ELP1: variants seen among roughly 807,000 people sequenced by gnomAD.
ELP1 encodes the protein elongator complex protein 1.
Under a neutral mutation model 183.2 loss-of-function variants are expected in ELP1, and 131 were observed. That is an observed-to-expected ratio of 0.72 (90% confidence interval 0.62 to 0.83). The LOEUF (loss-of-function observed/expected upper bound fraction) is 0.83, where lower values mean the gene tolerates loss of function less well. Among genes scored for constraint, ELP1 ranks in the 40% least tolerant of loss-of-function variants. The pLI is 0.00. For missense variants in ELP1, 1,550 were observed against 1,594.9 expected (o/e 0.97, Z 0.48); for synonymous variants, 555 against 569.0 (o/e 0.98, Z 0.35).
chr9:108,881,405 A>G (rs1290523146), intron 31 of ELP1, among the ~76,000 whole-genome samples: 1 of 152,220 alleles, frequency 6.6e-6, no homozygotes, highest in East Asian at 1.9e-4. Context: ...AATGCCAGAA[A>G]TTTATCAGTG....
rs2118933859 is a variant in ELP1 at position 108,877,993 on chromosome 9, A to C, written c.3855+2T>G. 6.2e-7 allele frequency: 1 copy of C among 1,614,204 alleles called. No homozygotes were observed. The highest frequency in any genetic ancestry group is 8.5e-7 in the Non-Finnish European group (1 of 1,180,018). ...ATGCACACCGTCTCTGAGAAAACTT[A>C]CCGGGGTAGCTGAATTCTGCTGGTA... On this transcript the variant is annotated splice_donor_variant, in intron 35 of 36. Transcript: ENST00000374647. LOFTEE classifies it high-confidence loss of function.
chr9:108,886,983 C>T (rs1056560949), intron 29 of ELP1, among the ~76,000 whole-genome samples: 3 of 150,808 alleles, frequency 2.0e-5, no homozygotes, highest in Admixed American at 6.6e-5. Context: ...CTGAGACAGG[C>T]GAATTGCTTG....
intron 35 of ELP1, among the ~76,000 whole-genome samples, chr9:108,877,175 G>C (rs1827735112): frequency 6.6e-6 from 1 of 152,170 alleles, no homozygotes; most frequent in Non-Finnish European, 1.5e-5. Flanking sequence ...CAGCTCTACA[G>C]GGCCCCACTT....
intron 26 of ELP1, 139 bp downstream of exon 26, chr9:108,893,804 G>A (rs901705414): frequency 2.8e-5 from 25 of 904,230 alleles, no homozygotes; most frequent in Middle Eastern, 2.4e-4. Context: ...ACAAAATAAC[G>A]TGAGCATACA....
intron 6 of ELP1, among the ~76,000 whole-genome samples, chr9:108,920,433 C>T (rs1829603464): frequency 6.6e-6 from 1 of 152,122 alleles, no homozygotes; most frequent in Non-Finnish European, 1.5e-5. Flanking sequence ...AGGCATCTGC[C>T]ACCATGCCTG....
intron 2 of ELP1, among the ~76,000 whole-genome samples, 163 bp downstream of exon 2, chr9:108,930,833 AT>A (rs1829978906): frequency 6.6e-6 from 1 of 152,204 alleles, no homozygotes. Context: ...AAGGATTACG[AT>A]TTAAGCTATG....
At chr9:108,910,952 T>C (rs932355829) in intron 12 of ELP1, 58 bp downstream of exon 12, 2 of 1,529,826 alleles carry the variant, frequency 1.3e-6, no homozygotes, top group African/African-American at 2.7e-5. Context: ...AATTTGCTTT[T>C]ATGTAGGAGT....
intron 16 of ELP1, 66 bp from the exon 17 acceptor site, chr9:108,901,747 A>G: frequency 7.0e-7 from 1 of 1,429,750 alleles, no homozygotes; most frequent in South Asian, 1.2e-5. Context: ...TACCTTTTCT[A>G]TCACATAGTT....
chr9:108,927,431 G>C lies in ELP1; in HGVS notation c.326C>G (p.Ala109Gly), dbSNP rs1336475651. ...CCAACTCATAACAGAGATACCACTGGCTACACTCCCAACACACTCCAGCTG... is the reference window on the plus strand; with the variant it reads ...CCAACTCATAACAGAGATACCACTGCCTACACTCCCAACACACTCCAGCTG... Reference protein sequence around the residue: ...TQQLECVGSVASGISVMSWSP... With the variant: ...TQQLECVGSVGSGISVMSWSP... The change falls in exon 4 of 37, where the codon GCC (alanine) becomes GGC (glycine). Residue 109 changes from alanine (A) to glycine (G), a missense_variant. Physicochemically the swap from Ala to Gly is moderately conservative, Grantham distance 60. Coordinates refer to ENST00000374647, the MANE Select transcript of ELP1 (RefSeq NM_003640.5). The C allele has an allele frequency of 1.2e-6, 2 of 1,613,490 alleles. No individual in the cohort carries two copies. Among genetic ancestry groups the C allele is most frequent in the African/African-American group, 2.7e-5 (2 of 74,832 alleles).
chr9:108,913,743 T>C (rs1829321675), intron 10 of ELP1, among the ~76,000 whole-genome samples: 1 of 152,094 alleles, frequency 6.6e-6, no homozygotes, highest in South Asian at 2.1e-4. Flanking sequence ...TGCCTCCCAG[T>C]TCAAGCGATT....
In ELP1 at chr9:108,878,666, C is replaced by T; in HGVS notation, c.3657G>A (p.Leu1219=). The change falls in exon 34 of 37, where the codon CTG becomes CTA. Residue 1219 remains leucine (L), a synonymous_variant. Coordinates refer to ENST00000374647, the MANE Select transcript of ELP1 (RefSeq NM_003640.5). ...EGSPLEDLAL[L]EALSEVVQNT... ...TCTGCACCACTTCACTCAGTGCCTC[C>T]AGGAGGGCCAGGTCCTCCAGCGGAC... 6.2e-7 allele frequency: 1 copy of T among 1,614,206 alleles called. No homozygotes were observed. The highest frequency in any genetic ancestry group is 8.5e-7 in the Non-Finnish European group (1 of 1,180,028).
chr9:108,872,921 G>A (rs1409837912), intron 36 of ELP1, among the ~76,000 whole-genome samples: 1 of 148,342 alleles, frequency 6.7e-6, no homozygotes, highest in Non-Finnish European at 1.5e-5. Context: ...GACTTAACTT[G>A]AAATAAACAC....
intron 36 of ELP1, among the ~76,000 whole-genome samples, chr9:108,871,085 A>C (rs10759325): frequency 0.41 from 61,746 of 150,082 alleles, 15,011 homozygotes; most frequent in African/African-American, 0.69. Flanking sequence ...TTTCTCTAGC[A>C]GGAATTTATT....
intron 3 of ELP1, among the ~76,000 whole-genome samples, chr9:108,928,412 A>T (rs1236121620): frequency 1.3e-5 from 2 of 152,224 alleles, no homozygotes; most frequent in South Asian, 4.1e-4. Flanking sequence ...CAAGTGGCCC[A>T]AAGTCCAGAA....
At chr9:108,928,659 A>C (rs1829896624) in intron 3 of ELP1, among the ~76,000 whole-genome samples, 1 of 152,214 alleles carries the variant, frequency 6.6e-6, no homozygotes. Flanking sequence ...CCTTTCAGAC[A>C]ATTGAGAAGC....
intron 16 of ELP1, 106 bp from the exon 17 acceptor site, chr9:108,901,787 C>T (rs1026436379): frequency 2.4e-4 from 261 of 1,093,352 alleles, no homozygotes; most frequent in Admixed American, 1.5e-3. Flanking sequence ...CACCTAAGTT[C>T]CTGTAATCAG....
Position 108,871,038 on chromosome 9 carries a change from C to T in ELP1, c.3932-1856G>A, listed in dbSNP as rs372268616. On this transcript the variant is annotated intron_variant, in intron 36 of 36. Transcript: ENST00000374647. ...TTTCATGATTTCCTTGATTGGCTGT[C>T]GTAAAGCCTGTGAAGTCATGCACAT... 5.6e-5 allele frequency among the ~76,000 whole-genome samples: 7 copies of T among 125,332 alleles called. No individual in the cohort carries two copies. The South Asian group carries it at 1.0e-3, about 19-fold the overall frequency. The allele number at this position is 125,332 out of a possible 152,430, so 82.2% of individuals were successfully genotyped here. A position where few individuals can be genotyped will look rare whatever the true frequency, so the allele number is the denominator to read the frequency against.
chr9:108,869,245 G>A, intron 36 of ELP1, 63 bp from the exon 37 acceptor site: 1 of 1,401,556 alleles, frequency 7.1e-7, no homozygotes, highest in Non-Finnish European at 1.0e-6. Flanking sequence ...CGCTGAGGCA[G>A]TAACTCTAAA....
intron 5 of ELP1, among the ~76,000 whole-genome samples, chr9:108,924,345 T>C (rs184600071): frequency 3.3e-5 from 5 of 152,126 alleles, no homozygotes; most frequent in Admixed American, 6.5e-5. Flanking sequence ...ACAAGTCTAC[T>C]GACCCCAGGA....
Sources: allele counts gnomAD v4.1 joint callset (sites outside exome capture counted in the v4.1 genomes callset), GRCh38; gene constraint gnomAD v4.1.1; transcripts MANE v1.5; gene names NCBI Gene and HGNC (gene_info 2026-07-23, HGNC 2026-07-21).